The following UBAC2 variants were observed in gnomAD, a reference collection of about 807,000 sequenced individuals.
UBAC2 encodes UBA domain containing 2.
UBAC2 carries 26 observed loss-of-function variants against 44.0 expected under a neutral mutation model. The observed-to-expected ratio is 0.59, with a 90% CI of 0.43 to 0.82. UBAC2 has a LOEUF of 0.82. UBAC2 is among the 40% of genes least tolerant of loss of function. The pLI is 0.00. For missense variants in UBAC2, 329 were observed against 419.4 expected, an observed-to-expected ratio of 0.78 and a Z score of 1.88; for synonymous variants, 155 against 154.3, an observed-to-expected ratio of 1.00 and a Z score of -0.04.
intron 5 of UBAC2, among the ~76,000 whole-genome samples, chr13:99,316,205 C>G (rs951509930): frequency 3.9e-5 from 6 of 151,964 alleles, no homozygotes; most frequent in Non-Finnish European, 7.4e-5. Context: ...TTGATAAAAT[C>G]TAGGTCCTTA....
chr13:99,364,237 T>G (rs114990939), intron 7 of UBAC2, among the ~76,000 whole-genome samples: 1,697 of 151,798 alleles, frequency 0.011, 39 homozygotes, highest in African/African-American at 0.039. Context: ...GTATTGAATT[T>G]TGTCAAATTG....
chr13:99,223,102 C>G (rs2043069012), intron 1 of UBAC2, among the ~76,000 whole-genome samples: 1 of 152,118 alleles, frequency 6.6e-6, no homozygotes, highest in Non-Finnish European at 1.5e-5. Context: ...CCTGTTTCAT[C>G]TAAGTTATCA....
chr13:99,245,882 A>T (rs2043377543), intron 4 of UBAC2, among the ~76,000 whole-genome samples: 1 of 152,188 alleles, frequency 6.6e-6, no homozygotes, highest in Non-Finnish European at 1.5e-5. Context: ...AGTGTGTGAA[A>T]TAATTAGAAT....
chr13:99,337,875 C>T (rs1835394738), intron 6 of UBAC2, among the ~76,000 whole-genome samples: 1 of 152,032 alleles, frequency 6.6e-6, no homozygotes, highest in African/African-American at 2.4e-5. Context: ...TTCTCTCCTC[C>T]TTCCACAGGG....
chr13:99,223,957 C>T (rs55772696), intron 1 of UBAC2, among the ~76,000 whole-genome samples: 12,130 of 152,016 alleles, frequency 0.08, 555 homozygotes, highest in East Asian at 0.13. Context: ...TGTAACTTGC[C>T]GTTGTTGGGT....
At chr13:99,215,275 T>G in intron 1 of UBAC2, 1 of 696,780 alleles carries the variant, frequency 1.4e-6, no homozygotes, top group Non-Finnish European at 2.6e-6. Flanking sequence ...AAGACAAAAT[T>G]GTGTTTTTCA....
intron 1 of UBAC2, among the ~76,000 whole-genome samples, chr13:99,230,665 A>AT (rs2043161865): frequency 6.6e-6 from 1 of 152,006 alleles, no homozygotes; most frequent in Non-Finnish European, 1.5e-5. Context: ...TCATGACCCA[A>AT]TTTTATCTTC....
At chr13:99,229,598 T>C (rs890162257) in intron 1 of UBAC2, among the ~76,000 whole-genome samples, 2 of 152,190 alleles carry the variant, frequency 1.3e-5, no homozygotes, top group Admixed American at 1.3e-4. Context: ...GGAAAGAGTA[T>C]ATACAAACAC....
chr13:99,365,886 T>G (rs931501274), intron 7 of UBAC2, among the ~76,000 whole-genome samples: 15 of 152,200 alleles, frequency 9.9e-5, no homozygotes, highest in Admixed American at 8.5e-4. Context: ...ATTCTATTAA[T>G]TTTTGCTTTC....
At chr13:99,349,376 C>T (rs1272276700) in intron 7 of UBAC2, among the ~76,000 whole-genome samples, 4 of 152,184 alleles carry the variant, frequency 2.6e-5, no homozygotes, top group Non-Finnish European at 5.9e-5. Flanking sequence ...CAGGTGTTCT[C>T]CCCATGTGCG....
At chr13:99,325,690 C>G (rs1436521303) in intron 6 of UBAC2, among the ~76,000 whole-genome samples, 1 of 152,178 alleles carries the variant, frequency 6.6e-6, no homozygotes, top group Non-Finnish European at 1.5e-5. Flanking sequence ...TTTAACTCTC[C>G]TTTTCCCTCT....
chr13:99,212,316 C>T (rs2042944961), intron 1 of UBAC2, among the ~76,000 whole-genome samples: 1 of 152,164 alleles, frequency 6.6e-6, no homozygotes, highest in African/African-American at 2.4e-5. Flanking sequence ...AGTTTTAACC[C>T]TCATTTAAAT....
At chr13:99,334,213 AG>A (rs1244767423) in intron 6 of UBAC2, among the ~76,000 whole-genome samples, 1 of 152,024 alleles carries the variant, frequency 6.6e-6, no homozygotes, top group East Asian at 1.9e-4. Context: ...CTCCTGCTTC[AG>A]CCTCCTAACA....
intron 1 of UBAC2, among the ~76,000 whole-genome samples, chr13:99,202,082 A>G (rs892156519): frequency 1.3e-5 from 2 of 151,824 alleles, no homozygotes; most frequent in Admixed American, 6.6e-5. Context: ...CAAAAAAAAA[A>G]AAAAAAAAAA....
chr13:99,350,558 C>T (rs2045068362), intron 7 of UBAC2, among the ~76,000 whole-genome samples: 1 of 152,210 alleles, frequency 6.6e-6, no homozygotes, highest in Non-Finnish European at 1.5e-5. Flanking sequence ...GAGCAGGGTG[C>T]AGGGGGTGCC....
chr13:99,313,801 G>A (rs1271620584), intron 4 of UBAC2, among the ~76,000 whole-genome samples: 1 of 152,174 alleles, frequency 6.6e-6, no homozygotes, highest in Non-Finnish European at 1.5e-5. Context: ...TTAGATTTTA[G>A]TAATACCTGG....
intron 5 of UBAC2, 61 bp from the exon 6 acceptor site, chr13:99,317,961 A>T: frequency 7.5e-7 from 1 of 1,341,972 alleles, no homozygotes; most frequent in Non-Finnish European, 1.1e-6. Context: ...ATGTAAAAAT[A>T]AGTGTGCTGT....
At chr13:99,213,539 T>C (rs1428680805) in intron 1 of UBAC2, among the ~76,000 whole-genome samples, 1 of 151,856 alleles carries the variant, frequency 6.6e-6, no homozygotes, top group African/African-American at 2.4e-5. Context: ...TTTTGTATTT[T>C]TGTAGAGACA....
chr13:99,334,532 G>A (rs1042930192), intron 6 of UBAC2, among the ~76,000 whole-genome samples: 2 of 152,138 alleles, frequency 1.3e-5, no homozygotes, highest in Non-Finnish European at 2.9e-5. Context: ...TTACTGTAGG[G>A]TCTTGCAAGC....
Sources: allele counts gnomAD v4.1 joint callset (sites outside exome capture counted in the v4.1 genomes callset), GRCh38; gene constraint gnomAD v4.1.1; transcripts MANE v1.5; gene names NCBI Gene and HGNC (gene_info 2026-07-23, HGNC 2026-07-21).